TTC7B: variants seen among roughly 807,000 people sequenced by gnomAD.
The protein encoded by TTC7B is tetratricopeptide repeat protein 7B.
In TTC7B, 28 loss-of-function variants were observed where a neutral mutation model predicts 106.8. The observed-to-expected ratio is 0.26, with a 90% CI of 0.19 to 0.36. The LOEUF (loss-of-function observed/expected upper bound fraction) is 0.36, where lower values mean the gene tolerates loss of function less well. Ranked by LOEUF, TTC7B falls within the 10% of genes least tolerant of loss-of-function variation. The probability of loss-of-function intolerance (pLI) is 1.00; values close to 1 mark genes in which losing one functional copy is unlikely to be tolerated. For missense variants in TTC7B, 862 were observed against 1,076.4 expected (o/e 0.80, Z 2.79); for synonymous variants, 405 against 430.6 (o/e 0.94, Z 0.74).
At chr14:90,782,092 G>A (rs369856497) in intron 2 of TTC7B, among the ~76,000 whole-genome samples, 1 of 152,210 alleles carries the variant, frequency 6.6e-6, no homozygotes, top group Non-Finnish European at 1.5e-5. Flanking sequence ...GCCAGGTACA[G>A]CGTGTTACAG....
At chr14:90,737,412 T>G (rs1175208917) in intron 4 of TTC7B, among the ~76,000 whole-genome samples, 1 of 152,096 alleles carries the variant, frequency 6.6e-6, no homozygotes, top group East Asian at 1.9e-4. Context: ...GTAGCACATA[T>G]CCACACAATG....
intron 19 of TTC7B, among the ~76,000 whole-genome samples, chr14:90,549,707 C>A (rs1362265385): frequency 1.3e-5 from 2 of 152,082 alleles, no homozygotes; most frequent in Non-Finnish European, 2.9e-5. Flanking sequence ...GGGCTTGAAT[C>A]CTAGCTCCAC....
intron 5 of TTC7B, chr14:90,697,694 A>G (rs1439813915): frequency 6.6e-6 from 1 of 152,214 alleles, no homozygotes; most frequent in Admixed American, 6.5e-5. Flanking sequence ...AAAGAGATCA[A>G]TGACGGGTAG....
rs865873135 is a variant in TTC7B, at chr14:90,776,137, C to T, written c.445+4601G>A. Among the ~76,000 whole-genome samples the T allele has an allele frequency of 6.2e-5, 6 of 96,402 alleles. No individual in the cohort carries two copies. In the South Asian group the frequency reaches 1.0e-3, roughly 17 times the overall value. 63.2% of individuals were successfully genotyped at this position (96,402 alleles called of 152,430 possible). ...ATGAGCAGGGCAGGAGAGGGCCCCC[C>T]GTGACACACACACACACACACACAC... is the stretch of plus-strand genomic sequence containing the variant. On this transcript the variant is annotated intron_variant, in intron 3 of 19. Coordinates refer to ENST00000328459, the MANE Select transcript of TTC7B (RefSeq NM_001010854.2).
At position 90,587,664 on chromosome 14, in the gene TTC7B, C is replaced by G. The variant is rs950870039; in HGVS notation, c.2107+5822G>C. On this transcript the variant is annotated intron_variant, in intron 18 of 19. Transcript: ENST00000328459. ...GGAGTTAAGTGCTTCTGTCATTGTT[C>G]TGTTCCACATCTGCAAATGCCATGA... Among the ~76,000 whole-genome samples, 3 of 152,200 alleles carry G rather than the reference C, an allele frequency of 2.0e-5. No individual in the cohort carries two copies. The South Asian group carries it at 6.2e-4, about 32-fold the overall frequency.
At chr14:90,664,622 G>T (rs895527487) in intron 9 of TTC7B, among the ~76,000 whole-genome samples, 1 of 152,170 alleles carries the variant, frequency 6.6e-6, no homozygotes, top group Non-Finnish European at 1.5e-5. Flanking sequence ...TGATGAAAAC[G>T]GACTTTTCAG....
rs35307541 is a variant in TTC7B at position 90,565,399 on chromosome 14, C to CTT, written c.2310+12705_2310+12706dup. Among the ~76,000 whole-genome samples, 645 of 107,574 alleles carry CTT rather than the reference C, an allele frequency of 6.0e-3. 14 individuals are homozygous for CTT. Among genetic ancestry groups the CTT allele is most frequent in the Non-Finnish European group, 8.2e-3 (441 of 53,712 alleles). 70.6% of individuals were successfully genotyped at this position (107,574 alleles called of 152,430 possible). ...CCTCACTAAGCTTAATCCTTTCTAG[C>CTT]TTTTTTTTTTTTTTTTTTTTTGAGA... On this transcript the variant is annotated intron_variant, in intron 19 of 19. Transcript: ENST00000328459.
Position 90,617,937 on chromosome 14 carries a change from G to T in TTC7B, c.1860C>A (p.Thr620=). 1 of 1,613,252 alleles carries T rather than the reference G, an allele frequency of 6.2e-7. No homozygotes were observed. The highest frequency in any genetic ancestry group is 8.5e-7 in the Non-Finnish European group (1 of 1,179,314). Residue 620 remains threonine, a synonymous_variant, in exon 16 of 20, where the codon ACC becomes ACA. Coordinates refer to ENST00000328459, the MANE Select transcript of TTC7B (RefSeq NM_001010854.2). ...LQIWKSCYNL[T]NPSDSGRGSS... ...CCCTGCTGGCCTCTTACCTGGGGTT[G>T]GTGAGGTTGTAGCAGGATTTCCATA...
At chr14:90,701,324 C>T (rs1887976198) in intron 5 of TTC7B, among the ~76,000 whole-genome samples, 1 of 152,148 alleles carries the variant, frequency 6.6e-6, no homozygotes, top group Non-Finnish European at 1.5e-5. Flanking sequence ...GGTCAGCCGG[C>T]CAGGCAGCAC....
intron 19 of TTC7B, among the ~76,000 whole-genome samples, chr14:90,542,808 G>A (rs1889664535): frequency 6.6e-6 from 1 of 152,166 alleles, no homozygotes; most frequent in Non-Finnish European, 1.5e-5. Context: ...GAGGATCAGT[G>A]GAACGGCCTT....
intron 15 of TTC7B, among the ~76,000 whole-genome samples, chr14:90,632,308 T>C (rs1884735568): frequency 6.6e-6 from 1 of 152,228 alleles, no homozygotes; most frequent in Non-Finnish European, 1.5e-5. Flanking sequence ...CCCTGGTCAA[T>C]TTAAATCACC....
chr14:90,787,916 A>T (rs1161839594), intron 1 of TTC7B, among the ~76,000 whole-genome samples: 8 of 152,256 alleles, frequency 5.3e-5, no homozygotes, highest in Non-Finnish European at 4.4e-5. Flanking sequence ...TAATCCCAAC[A>T]CTTTGGGAGG....
chr14:90,636,571 CAT>C (rs763235204), intron 15 of TTC7B, among the ~76,000 whole-genome samples: 64 of 151,276 alleles, frequency 4.2e-4, no homozygotes, highest in Admixed American at 1.2e-3. Context: ...ACTAATAAAA[CAT>C]ATAAAAATTT....
intron 9 of TTC7B, among the ~76,000 whole-genome samples, chr14:90,666,542 G>C (rs1464637719): frequency 6.6e-6 from 1 of 152,182 alleles, no homozygotes; most frequent in Non-Finnish European, 1.5e-5. Flanking sequence ...TCCAGGAAAA[G>C]CTTCTAAAAG....
At chr14:90,777,806 A>G (rs1891081285) in intron 3 of TTC7B, among the ~76,000 whole-genome samples, 1 of 152,152 alleles carries the variant, frequency 6.6e-6, no homozygotes, top group African/African-American at 2.4e-5. Flanking sequence ...TGGGCCCGCA[A>G]TTGCCCTGTT....
At position 90,541,437 on chromosome 14, in the gene TTC7B, G is replaced by A. The variant is rs1437416853; in HGVS notation, c.2463C>T (p.Phe821=). Residue 821 remains phenylalanine, a synonymous_variant, in exon 20 of 20, where the codon TTC becomes TTT. Transcript: ENST00000328459. ...TGGCCTCCAGCTCCAAGGCTGTCAGGAAGCACTCCGTAGCCGCCGCATCGT... is the reference window on the plus strand; with the variant it reads ...TGGCCTCCAGCTCCAAGGCTGTCAGAAAGCACTCCGTAGCCGCCGCATCGT... The part of the protein sequence containing the change: ...QGNDAAATEC[F]LTALELEASS... 6.2e-7 allele frequency: 1 copy of A among 1,613,404 alleles called. No homozygotes were observed. The highest frequency in any genetic ancestry group is 8.5e-7 in the Non-Finnish European group (1 of 1,179,840).
chr14:90,607,469 C>T (rs1892691346), intron 17 of TTC7B, among the ~76,000 whole-genome samples: 1 of 152,238 alleles, frequency 6.6e-6, no homozygotes, highest in South Asian at 2.1e-4. Context: ...GCTGGGTTCT[C>T]CCAGGCCACA....
At chr14:90,736,150 C>CTATATATA (rs36062485) in intron 4 of TTC7B, among the ~76,000 whole-genome samples, 13 of 146,618 alleles carry the variant, frequency 8.9e-5, no homozygotes, top group African/African-American at 2.0e-4. Context: ...TAATTTAGAG[C>CTATATATA]TATATATATA....
At chr14:90,795,690 A>C (rs1400853422) in intron 1 of TTC7B, among the ~76,000 whole-genome samples, 1 of 152,208 alleles carries the variant, frequency 6.6e-6, no homozygotes, top group Non-Finnish European at 1.5e-5. Flanking sequence ...TAAGTGGTGA[A>C]TAAACATTAG....
Sources: allele counts gnomAD v4.1 joint callset (sites outside exome capture counted in the v4.1 genomes callset), GRCh38; gene constraint gnomAD v4.1.1; transcripts MANE v1.5; gene names NCBI Gene and HGNC (gene_info 2026-07-23, HGNC 2026-07-21).